PATJ: variants seen among roughly 807,000 people sequenced by gnomAD.
PATJ encodes the protein inaD-like protein.
A neutral mutation model predicts 224.9 loss-of-function variants in PATJ; 190 were observed. The ratio of observed to expected loss-of-function variants is 0.84; its 90% CI spans 0.75 to 0.95. The LOEUF is 0.95. Among genes scored for constraint, PATJ ranks in the 40% least tolerant of loss-of-function variants. PATJ has a pLI of 0.00. For missense variants in PATJ, 2,121 were observed against 2,270.3 expected, an observed-to-expected ratio of 0.93 and a Z score of 1.34; for synonymous variants, 769 against 820.3, an observed-to-expected ratio of 0.94 and a Z score of 1.07.
intron 27 of PATJ, among the ~76,000 whole-genome samples, chr1:61,970,926 G>A (rs370203287): frequency 1.3e-5 from 2 of 152,208 alleles, no homozygotes; most frequent in African/African-American, 4.8e-5. Context: ...ACTCATTGAA[G>A]TAGAAATTTA....
At chr1:62,141,765 T>A (rs777248469) in intron 41 of PATJ, among the ~76,000 whole-genome samples, 32 of 151,980 alleles carry the variant, frequency 2.1e-4, no homozygotes, top group Middle Eastern at 3.4e-3. Flanking sequence ...GAGGTCGAGT[T>A]TGAGAACAGG....
chr1:61,809,095 C>T (rs1325002841), intron 14 of PATJ, among the ~76,000 whole-genome samples: 2 of 152,276 alleles, frequency 1.3e-5, no homozygotes, highest in East Asian at 3.9e-4. Context: ...GAACTTAAAA[C>T]GTTTTTGGTA....
intron 17 of PATJ, among the ~76,000 whole-genome samples, chr1:61,839,662 A>C (rs998860691): frequency 6.6e-6 from 1 of 152,138 alleles, no homozygotes; most frequent in Non-Finnish European, 1.5e-5. Flanking sequence ...ATTATAATTC[A>C]CTGGAAATGT....
intron 37 of PATJ, among the ~76,000 whole-genome samples, chr1:62,118,725 G>C (rs12756509): frequency 0.023 from 3,450 of 152,162 alleles, 63 homozygotes; most frequent in Non-Finnish European, 0.036. Flanking sequence ...CGCCTCCCGG[G>C]TTCAAGTGAG....
intron 14 of PATJ, among the ~76,000 whole-genome samples, chr1:61,817,821 C>T (rs1176709168): frequency 1.3e-5 from 2 of 152,132 alleles, no homozygotes; most frequent in African/African-American, 4.8e-5. Context: ...CTTGTAGCCT[C>T]ATTCTTGAAA....
intron 12 of PATJ, among the ~76,000 whole-genome samples, chr1:61,802,518 A>G (rs2148592433): frequency 6.6e-6 from 1 of 152,258 alleles, no homozygotes; most frequent in South Asian, 2.1e-4. Context: ...AGCTCAAGCC[A>G]TGCTCCCACT....
intron 17 of PATJ, chr1:61,846,010 C>A (rs866483276): frequency 6.6e-6 from 1 of 152,164 alleles, no homozygotes; most frequent in Non-Finnish European, 1.5e-5. Flanking sequence ...GTCTAAGTTA[C>A]ATATGCTCAG....
chr1:62,086,879 G>A lies in PATJ; in HGVS notation c.4377+2231G>A, dbSNP rs535438818. ...TTGGGTGCCGGCAGGAGCAGGCTCT[G>A]TGGGGTCCCCTCGGCCAGACCAGGT... is the stretch of plus-strand genomic sequence containing the variant. On this transcript the variant is annotated intron_variant, in intron 33 of 43. Transcript: ENST00000642238. The surrounding 1 kb of genome is among the most constrained non-coding windows in gnomAD (Gnocchi z 4.0). Among the ~76,000 whole-genome samples the A allele has an allele frequency of 2.6e-5, 4 of 152,294 alleles. No individual in the cohort carries two copies. In the South Asian group the frequency reaches 8.3e-4, roughly 32 times the overall value.
intron 21 of PATJ, among the ~76,000 whole-genome samples, chr1:61,883,222 C>T (rs527479642): frequency 7.2e-5 from 11 of 152,136 alleles, no homozygotes; most frequent in African/African-American, 2.7e-4. Flanking sequence ...AAGTAAAGTC[C>T]AAAAATGTTG....
chr1:62,038,612 A>G (rs1388063451), intron 30 of PATJ: 1 of 169,586 alleles, frequency 5.9e-6, no homozygotes, highest in Non-Finnish European at 1.3e-5. Context: ...GTTACTAATT[A>G]AATAGTGCAG....
intron 31 of PATJ, among the ~76,000 whole-genome samples, chr1:62,052,806 G>A (rs948028784): frequency 1.3e-5 from 2 of 152,026 alleles, no homozygotes; most frequent in African/African-American, 4.8e-5. Context: ...TTTCCAAAAG[G>A]TAGAGTGCAT....
rs113801468 is a variant in PATJ at position 61,750,363 on chromosome 1, G to A, written c.-36+7808G>A. 2.1e-3 allele frequency among the ~76,000 whole-genome samples: 314 copies of A among 151,770 alleles called. 2 individuals are homozygous for A. Among genetic ancestry groups the A allele is most frequent in the African/African-American group, 7.2e-3 (300 of 41,382 alleles). On this transcript the variant is annotated intron_variant, in intron 1 of 43. Transcript: ENST00000642238. ...TTAGCTTCCATTAATAATAATTAGT[G>A]GATGTTGCTTTGACAATAGGGGCTG... is the stretch of plus-strand genomic sequence containing the variant.
chr1:62,114,708 G>A (rs1664252986), intron 35 of PATJ: 1 of 161,250 alleles, frequency 6.2e-6, no homozygotes, highest in South Asian at 1.9e-4. Flanking sequence ...ATAGTTAAGA[G>A]ATAAACATAA....
intron 28 of PATJ, among the ~76,000 whole-genome samples, chr1:62,011,719 T>TA (rs11448104): frequency 0.43 from 62,049 of 143,442 alleles, 14,034 homozygotes; most frequent in African/African-American, 0.59. Flanking sequence ...TTTCCATTTG[T>TA]AAAAAAAAAA....
chr1:61,920,702 CTT>C (rs71582652), intron 26 of PATJ, among the ~76,000 whole-genome samples: 3,094 of 89,206 alleles, frequency 0.035, 28 homozygotes, highest in African/African-American at 0.13. Flanking sequence ...GTATGGAATT[CTT>C]TTTTTTTTTT....
chr1:62,042,944 G>T (rs1265559393), intron 30 of PATJ, among the ~76,000 whole-genome samples: 1 of 152,230 alleles, frequency 6.6e-6, no homozygotes, highest in Non-Finnish European at 1.5e-5. Flanking sequence ...ACCGAGCCTA[G>T]TGTCACTGAG....
intron 35 of PATJ, chr1:62,114,910 TAA>T (rs1007326821): frequency 2.4e-4 from 32 of 130,844 alleles, no homozygotes; most frequent in Admixed American, 3.1e-4. Flanking sequence ...ATCTGTAAAT[TAA>T]AAAAAAAAAA....
At chr1:61,971,449 A>G (rs1010230749) in intron 27 of PATJ, among the ~76,000 whole-genome samples, 1 of 151,860 alleles carries the variant, frequency 6.6e-6, no homozygotes, top group Non-Finnish European at 1.5e-5. Context: ...CAGGGTCTCT[A>G]CAAAAAATTT....
intron 3 of PATJ, among the ~76,000 whole-genome samples, chr1:61,764,363 T>C (rs1646144174): frequency 6.6e-6 from 1 of 152,280 alleles, no homozygotes; most frequent in African/African-American, 2.4e-5. Flanking sequence ...TACATCATTA[T>C]TGAATAAGGG....
Sources: allele counts gnomAD v4.1 joint callset (sites outside exome capture counted in the v4.1 genomes callset), GRCh38; gene constraint gnomAD v4.1.1; non-coding constraint Gnocchi (gnomAD v3.1); transcripts MANE v1.5; gene names NCBI Gene and HGNC (gene_info 2026-07-23, HGNC 2026-07-21).